The following ADAMTS7 variants were observed in gnomAD, a reference collection of about 807,000 sequenced individuals.
ADAMTS7 encodes A disintegrin and metalloproteinase with thrombospondin motifs 7.
A neutral mutation model predicts 172.6 loss-of-function variants in ADAMTS7; 89 were observed. The ratio of observed to expected loss-of-function variants is 0.52; its 90% CI spans 0.43 to 0.61. The LOEUF (loss-of-function observed/expected upper bound fraction) is 0.61. Ranked by LOEUF, ADAMTS7 falls within the 20% of genes least tolerant of loss-of-function variation. The probability of loss-of-function intolerance (pLI) is 0.00; values close to 1 mark genes in which losing one functional copy is unlikely to be tolerated. For missense variants in ADAMTS7, 1,973 were observed against 2,355.6 expected, an observed-to-expected ratio of 0.84 and a Z score of 3.36; for synonymous variants, 885 against 978.4, an observed-to-expected ratio of 0.90 and a Z score of 1.78.
chr15:78,779,373 C>T (rs1170660948), intron 8 of ADAMTS7, among the ~76,000 whole-genome samples: 3 of 152,134 alleles, frequency 2.0e-5, no homozygotes, highest in Non-Finnish European at 2.9e-5. Context: ...TCACTGGCCC[C>T]GGGTCGCACA....
chr15:78,774,190 G>A lies in ADAMTS7; in HGVS notation c.1987C>T (p.Leu663Phe). The stretch of plus-strand genomic sequence containing the variant: ...ACCTTACAGATGCCGTTGATGCAGA[G>A]GTCCCGGCTGGCTCGGACCTGGTAG... ...PCYQVRASRD[L>F]CINGICKNVG... is the part of the protein sequence containing the mutation. Residue 663 changes from leucine to phenylalanine, a missense_variant, in exon 13 of 24, where the codon CTC becomes TTC. Coordinates refer to ENST00000388820, the MANE Select transcript of ADAMTS7 (RefSeq NM_014272.5). 6 of 1,591,300 alleles carry A rather than the reference G, an allele frequency of 3.8e-6. No individual in the cohort carries two copies. Among genetic ancestry groups the A allele is most frequent in the Non-Finnish European group, 5.1e-6 (6 of 1,177,426 alleles).
In ADAMTS7 at chr15:78,766,049, C is replaced by G; in HGVS notation, c.3862G>C (p.Gly1288Arg). 3.8e-6 allele frequency: 6 copies of G among 1,596,808 alleles called. No individual in the cohort carries two copies. The highest frequency in any genetic ancestry group is 2.6e-5 in the East Asian group (1 of 38,178). Reference sequence around the variant, plus strand: ...GGAGGAGGAAGGAGAGAAGCCACCCCAACAGTGGGCCACAGTTCACTGTCC... The same window carrying G: ...GGAGGAGGAAGGAGAGAAGCCACCCGAACAGTGGGCCACAGTTCACTGTCC... ...PVDSELWPTV[G>R]VASLLPPPIA... Residue 1288 changes from glycine (G) to arginine (R), a missense_variant, in exon 19 of 24, where the codon GGG becomes CGG. Transcript: ENST00000388820.
intron 22 of ADAMTS7, among the ~76,000 whole-genome samples, chr15:78,763,016 G>C (rs78874784): frequency 1.3e-4 from 20 of 152,320 alleles, no homozygotes; most frequent in African/African-American, 4.8e-4. Context: ...AGCCCGCCAG[G>C]CTTCGTTGTT....
chr15:78,776,559 T>A, intron 10 of ADAMTS7, 190 bp downstream of exon 10: 1 of 812,320 alleles, frequency 1.2e-6, no homozygotes, highest in South Asian at 1.8e-5. Flanking sequence ...GAAGACACCC[T>A]GGGGAATCAT....
At chr15:78,763,574 G>C in intron 22 of ADAMTS7, 125 bp downstream of exon 22, 2 of 1,293,996 alleles carry the variant, frequency 1.5e-6, no homozygotes, top group Non-Finnish European at 2.0e-6. Flanking sequence ...GCGGGGCCTC[G>C]TCCAGTGACA....
intron 16 of ADAMTS7, among the ~76,000 whole-genome samples, chr15:78,769,288 C>A (rs1301239983): frequency 6.6e-6 from 1 of 152,214 alleles, no homozygotes. Flanking sequence ...ACCCCCTCTG[C>A]TGGTGGCTCT....
chr15:78,807,873 C>CT (rs11344703), intron 1 of ADAMTS7, among the ~76,000 whole-genome samples: 61 of 148,016 alleles, frequency 4.1e-4, no homozygotes, highest in South Asian at 8.5e-4. Flanking sequence ...TTATTTATTT[C>CT]TTTTTTTTTT....
At chr15:78,809,435 G>C (rs944465888) in intron 1 of ADAMTS7, among the ~76,000 whole-genome samples, 1 of 152,150 alleles carries the variant, frequency 6.6e-6, no homozygotes, top group Non-Finnish European at 1.5e-5. Flanking sequence ...CACCCTTGGA[G>C]TGTTTGTGCC....
chr15:78,776,827 T>A lies in ADAMTS7; in HGVS notation c.1482A>T (p.Thr494=). The change falls in exon 10 of 24, where the codon ACA becomes ACT. Residue 494 remains threonine, a synonymous_variant. Coordinates refer to ENST00000388820, the MANE Select transcript of ADAMTS7 (RefSeq NM_014272.5). ...AGGTGGTCCCCACAGAGCACCAGAG[T>A]GTGTGGCAGACATTCTGCGAGGAGG... ...FCEDMDNVCH[T]LWCSVGTTCH... is the part of the protein sequence containing the mutation. 2 of 1,545,610 alleles carry A rather than the reference T, an allele frequency of 1.3e-6. No individual in the cohort carries two copies. The highest frequency in any genetic ancestry group is 1.7e-6 in the Non-Finnish European group (2 of 1,143,032).
rs527312287 is a variant in ADAMTS7 at position 78,789,761 on chromosome 15, T to C, written c.1106A>G (p.His369Arg). The C allele has an allele frequency of 6.2e-7, 1 of 1,610,526 alleles. No individual in the cohort carries two copies. The highest frequency in any genetic ancestry group is 2.2e-5 in the East Asian group (1 of 44,756). ...LSHVAGMCQP[H>R]RSCSINEDTG... ...GTCCTCGTTGATGCTGCAGCTGCGG[T>C]GCGGCTGGCACATGCCCGCCACATG... The change falls in exon 7 of 24, where the codon CAC becomes CGC. Residue 369 changes from histidine to arginine, a missense_variant. His to Arg is a conservative substitution (Grantham distance 29). Coordinates refer to ENST00000388820, the MANE Select transcript of ADAMTS7 (RefSeq NM_014272.5).
chr15:78,770,340 T>C (rs1008061331), intron 16 of ADAMTS7, among the ~76,000 whole-genome samples: 1 of 150,944 alleles, frequency 6.6e-6, no homozygotes, highest in Admixed American at 6.6e-5. Flanking sequence ...TATCTCAGAT[T>C]CCCAATTCTG....
chr15:78,793,152 A>G (rs2055603097), intron 4 of ADAMTS7, among the ~76,000 whole-genome samples: 2 of 152,152 alleles, frequency 1.3e-5, no homozygotes, highest in Admixed American at 6.5e-5. Context: ...GGTAGGCACA[A>G]TTATCCTCGT....
rs763369522 is a variant in ADAMTS7 at position 78,759,599 on chromosome 15, G to T, written c.4904-21C>A. 2.5e-5 allele frequency: 39 copies of T among 1,564,728 alleles called. No homozygotes were observed. The Middle Eastern group carries it at 3.9e-3, about 157-fold the overall frequency. ...ACAGCCTGGAGTGGGGGGGCAGAGAGGCATCAGAACCAGTAGCTTGGGGTA... is the reference window on the plus strand; with the variant it reads ...ACAGCCTGGAGTGGGGGGGCAGAGATGCATCAGAACCAGTAGCTTGGGGTA... On this transcript the variant is annotated intron_variant, in intron 23 of 23. Transcript: ENST00000388820.
chr15:78,766,352 G>T lies in ADAMTS7; in HGVS notation c.3559C>A (p.Pro1187Thr), dbSNP rs764414271. 1.2e-5 allele frequency: 20 copies of T among 1,610,712 alleles called. No homozygotes were observed. The South Asian group carries it at 1.5e-4, about 12-fold the overall frequency. Residue 1187 changes from proline (P) to threonine (T), a missense_variant, in exon 19 of 24, where the codon CCT (proline) becomes ACT (threonine). By Grantham distance (38) the Pro-to-Thr change is conservative. Transcript: ENST00000388820. ...TCATTTTGGCTCTCAGGGGTGGCAG[G>T]TGTCTGCAGGCCATCAGTGGAAACC... is the stretch of plus-strand genomic sequence containing the variant. ...PRVSTDGLQT[P>T]ATPESQNDFP... is the part of the protein sequence containing the mutation.
In ADAMTS7 at chr15:78,771,480, G is replaced by A; in HGVS notation, c.2376+105C>T. ...GGCCTGGCTCAGAGCCAGGCTCTGTGACTGAACCAGGGCTCACTCCTCCAG... is the reference window on the plus strand; with the variant it reads ...GGCCTGGCTCAGAGCCAGGCTCTGTAACTGAACCAGGGCTCACTCCTCCAG... On this transcript the variant is annotated intron_variant, in intron 15 of 23. Coordinates refer to ENST00000388820, the MANE Select transcript of ADAMTS7 (RefSeq NM_014272.5). This position sits in a 1 kb window ranked among gnomAD's most constrained non-coding sequence, Gnocchi z 4.9. 1 of 1,538,890 alleles carries A rather than the reference G, an allele frequency of 6.5e-7. No homozygotes were observed. The highest frequency in any genetic ancestry group is 8.7e-7 in the Non-Finnish European group (1 of 1,145,236).
intron 8 of ADAMTS7, among the ~76,000 whole-genome samples, chr15:78,783,945 T>C (rs890280529): frequency 1.3e-5 from 2 of 152,084 alleles, no homozygotes; most frequent in African/African-American, 4.8e-5. Flanking sequence ...TGGTCCTAAG[T>C]ATTTCAGATG....
intron 8 of ADAMTS7, among the ~76,000 whole-genome samples, chr15:78,787,824 C>T (rs767206409): frequency 1.1e-4 from 16 of 152,312 alleles, no homozygotes; most frequent in Middle Eastern, 3.4e-3. Flanking sequence ...TCATTTCCTA[C>T]GCAGCCTTTG....
chr15:78,788,280 G>T lies in ADAMTS7; in HGVS notation c.1273C>A (p.Pro425Thr). ...MSPQLLYDAA[P>T]LTWSRCSRQY... ...CGGCTGCAGCGGGACCAGGTGAGGG[G>T]AGCGGCGTCGTACAGGAGCTGTGGA... is the stretch of plus-strand genomic sequence containing the variant. Residue 425 changes from proline (P) to threonine (T), a missense_variant, in exon 8 of 24, where the codon CCC becomes ACC. Physicochemically the swap from Pro to Thr is conservative, Grantham distance 38. Around this residue, in one of 8 missense-constraint regions of ADAMTS7, gnomAD observed 526 missense variants for 662.9 expected, o/e 0.79. Coordinates refer to ENST00000388820, the MANE Select transcript of ADAMTS7 (RefSeq NM_014272.5). 6.2e-7 allele frequency: 1 copy of T among 1,613,816 alleles called. No homozygotes were observed. The highest frequency in any genetic ancestry group is 1.1e-5 in the South Asian group (1 of 91,074).
chr15:78,791,139 C>A lies in ADAMTS7; in HGVS notation c.903+1G>T. The A allele has an allele frequency of 6.2e-7, 1 of 1,612,664 alleles. No individual in the cohort carries two copies. Among genetic ancestry groups the A allele is most frequent in the Non-Finnish European group, 8.5e-7 (1 of 1,179,288 alleles). On this transcript the variant is annotated splice_donor_variant, in intron 5 of 23. Coordinates refer to ENST00000388820, the MANE Select transcript of ADAMTS7 (RefSeq NM_014272.5). LOFTEE classifies it high-confidence loss of function. ...CAGCGTGGGACCACATGACCACTCA[C>A]CTCCTCATCTTCCAGCAGGACCAGG... is the stretch of plus-strand genomic sequence containing the variant.
Sources: gnomAD v4.1 joint callset for allele counts (sites outside exome capture counted in the v4.1 genomes callset) on GRCh38, gnomAD v4.1.1 for gene constraint, gnomAD v4.1.1 regional missense constraint, Gnocchi (gnomAD v3.1) non-coding constraint, MANE v1.5 for transcripts, NCBI Gene and HGNC (gene_info 2026-07-23, HGNC 2026-07-21) for gene names.